Variants in ANKS1B observed in about 807,000 individuals in gnomAD.
The protein encoded by ANKS1B is ankyrin repeat and sterile alpha motif domain containing 1B, also known as ankyrin repeat and sterile alpha motif domain-containing protein 1B.
Under a neutral mutation model 148.3 loss-of-function variants are expected in ANKS1B, and 36 were observed. The observed-to-expected ratio is 0.24, with a 90% CI of 0.19 to 0.32. The LOEUF (loss-of-function observed/expected upper bound fraction) is 0.32, where lower values mean the gene tolerates loss of function less well. ANKS1B is among the 10% of genes least tolerant of loss of function. The probability of loss-of-function intolerance (pLI) is 1.00; values close to 1 mark genes in which losing one functional copy is unlikely to be tolerated. For missense variants in ANKS1B, 1,157 were observed against 1,542.6 expected, an observed-to-expected ratio of 0.75 and a Z score of 4.19; for synonymous variants, 542 against 560.8, an observed-to-expected ratio of 0.97 and a Z score of 0.47.
At chr12:98,993,413 C>T (rs918696729) in intron 17 of ANKS1B, among the ~76,000 whole-genome samples, 1 of 152,220 alleles carries the variant, frequency 6.6e-6, no homozygotes, top group African/African-American at 2.4e-5. Context: ...AAGTGATCCG[C>T]CCGCCTTGGC....
chr12:99,687,063 T>C (rs1238745055), intron 8 of ANKS1B, among the ~76,000 whole-genome samples: 1 of 152,210 alleles, frequency 6.6e-6, no homozygotes, highest in African/African-American at 2.4e-5. Flanking sequence ...TCTGAAAAGC[T>C]TTTACCCTAC....
chr12:99,161,951 C>G (rs2153830608), intron 14 of ANKS1B, among the ~76,000 whole-genome samples: 1 of 152,086 alleles, frequency 6.6e-6, no homozygotes, highest in South Asian at 2.1e-4. Context: ...AGGATAAATA[C>G]AACGTGATGC....
intron 12 of ANKS1B, among the ~76,000 whole-genome samples, chr12:99,387,026 C>T (rs1486364915): frequency 1.3e-5 from 2 of 152,200 alleles, no homozygotes; most frequent in Non-Finnish European, 2.9e-5. Flanking sequence ...TGTGGATACA[C>T]TTTATTTGAG....
chr12:99,160,647 C>T (rs917351633), intron 14 of ANKS1B, among the ~76,000 whole-genome samples: 1 of 152,030 alleles, frequency 6.6e-6, no homozygotes, highest in African/African-American at 2.4e-5. Flanking sequence ...CACGCCCAGC[C>T]TCTTCTAGGA....
intron 17 of ANKS1B, among the ~76,000 whole-genome samples, chr12:98,959,848 C>T (rs1217624195): frequency 6.6e-6 from 1 of 152,198 alleles, no homozygotes; most frequent in Non-Finnish European, 1.5e-5. Flanking sequence ...CCAGGAAGTA[C>T]TCACCATGGA....
chr12:99,322,312 C>T (rs967941342), intron 12 of ANKS1B, among the ~76,000 whole-genome samples: 1 of 151,712 alleles, frequency 6.6e-6, no homozygotes, highest in African/African-American at 2.4e-5. Flanking sequence ...AATGAGAACA[C>T]ATGGACACAG....
rs901136703 is a variant in ANKS1B at position 99,270,587 on chromosome 12, C to A, written c.1757-23723G>T. On this transcript the variant is annotated intron_variant, in intron 12 of 26. Transcript: ENST00000683438. Reference sequence around the variant, plus strand: ...GGCAAGTATTTGAAATAACACCTATCCACAGTGTCCTAATTCAGGTCCTTA... The same window carrying A: ...GGCAAGTATTTGAAATAACACCTATACACAGTGTCCTAATTCAGGTCCTTA... Among the ~76,000 whole-genome samples the A allele has an allele frequency of 3.9e-5, 6 of 152,192 alleles. No individual in the cohort carries two copies. In the East Asian group the frequency reaches 5.8e-4, roughly 15 times the overall value.
At chr12:99,842,081 G>A (rs1341799069) in intron 1 of ANKS1B, among the ~76,000 whole-genome samples, 1 of 151,882 alleles carries the variant, frequency 6.6e-6, no homozygotes, top group African/African-American at 2.4e-5. Context: ...CTTATTCAAA[G>A]GTAAAAGCAT....
At chr12:99,470,624 C>T (rs1290798897) in intron 10 of ANKS1B, among the ~76,000 whole-genome samples, 1 of 152,140 alleles carries the variant, frequency 6.6e-6, no homozygotes, top group Non-Finnish European at 1.5e-5. Flanking sequence ...TATATGCCCA[C>T]TGCAGCATGT....
chr12:98,849,231 CT>C lies in ANKS1B; in HGVS notation c.2779-17096del, dbSNP rs1555405913. Among the ~76,000 whole-genome samples, 1,163 of 144,624 alleles carry C rather than the reference CT, an allele frequency of 8.0e-3. 14 individuals are homozygous for C. The highest frequency in any genetic ancestry group is 0.023 in the African/African-American group (915 of 39,728). 94.9% of individuals were successfully genotyped at this position (144,624 alleles called of 152,430 possible). ...AGATGAAGTGTTTTCCCCAGCATTT[CT>C]TTTTTTTTTTTATTTAGATTTAGTC... is the stretch of plus-strand genomic sequence containing the variant. On this transcript the variant is annotated intron_variant, in intron 17 of 26. Transcript: ENST00000683438.
intron 9 of ANKS1B, among the ~76,000 whole-genome samples, chr12:99,512,585 TA>T (rs2096777577): frequency 6.6e-6 from 1 of 152,100 alleles, no homozygotes; most frequent in Non-Finnish European, 1.5e-5. Flanking sequence ...CATTCTATTA[TA>T]AAGATACATG....
chr12:99,368,545 CTT>C (rs552477262), intron 12 of ANKS1B, among the ~76,000 whole-genome samples: 3 of 151,942 alleles, frequency 2.0e-5, no homozygotes, highest in Non-Finnish European at 2.9e-5. Context: ...AAGTTAGAAA[CTT>C]ATAATATTAA....
At chr12:99,976,949 C>A (rs1363886962) in intron 1 of ANKS1B, among the ~76,000 whole-genome samples, 2 of 152,110 alleles carry the variant, frequency 1.3e-5, no homozygotes, top group Non-Finnish European at 2.9e-5. Flanking sequence ...TGGTGAGGAC[C>A]TTCTTATTGC....
At chr12:99,419,049 T>C (rs115587558) in intron 11 of ANKS1B, among the ~76,000 whole-genome samples, 318 of 152,262 alleles carry the variant, frequency 2.1e-3, no homozygotes, top group African/African-American at 7.2e-3. Flanking sequence ...TTGTTAGGAA[T>C]TTTTTGTCTA....
intron 10 of ANKS1B, among the ~76,000 whole-genome samples, chr12:99,463,040 G>A (rs577874989): frequency 2.6e-5 from 4 of 152,166 alleles, no homozygotes; most frequent in Admixed American, 1.3e-4. Context: ...TCAGTCTCAG[G>A]TATTCCTTTA....
At chr12:99,773,535 A>G (rs1326372951) in intron 7 of ANKS1B, among the ~76,000 whole-genome samples, 1 of 152,160 alleles carries the variant, frequency 6.6e-6, no homozygotes, top group East Asian at 1.9e-4. Context: ...TAACATAGGT[A>G]ATCAGTACCT....
chr12:99,652,736 T>C (rs1027796820), intron 9 of ANKS1B, among the ~76,000 whole-genome samples: 1 of 152,116 alleles, frequency 6.6e-6, no homozygotes, highest in Non-Finnish European at 1.5e-5. Flanking sequence ...CACTGAGTCA[T>C]GTGGTTTAAA....
At position 99,917,592 on chromosome 12, in the gene ANKS1B, G is replaced by A. The variant is rs150959266; in HGVS notation, c.134+66512C>T. ...ATTCCTTTCCACCTTGGAAGGCACA[G>A]CAATTCATCCTCAATGGGCCTGATG... is the stretch of plus-strand genomic sequence containing the variant. On this transcript the variant is annotated intron_variant, in intron 1 of 26. Transcript: ENST00000683438. 1.1e-4 allele frequency among the ~76,000 whole-genome samples: 17 copies of A among 152,348 alleles called. No homozygotes were observed. The East Asian group carries it at 3.3e-3, about 29-fold the overall frequency.
At chr12:99,789,419 G>A (rs117641891) in intron 4 of ANKS1B, among the ~76,000 whole-genome samples, 2,027 of 152,062 alleles carry the variant, frequency 0.013, 14 homozygotes, top group Middle Eastern at 0.02. Context: ...CAAACATCAA[G>A]ACCATCCAAG....
Sources: gnomAD v4.1 joint callset for allele counts (sites outside exome capture counted in the v4.1 genomes callset) on GRCh38, gnomAD v4.1.1 for gene constraint, MANE v1.5 for transcripts, NCBI Gene and HGNC (gene_info 2026-07-23, HGNC 2026-07-21) for gene names.